ACSM1: variants seen among roughly 807,000 people sequenced by gnomAD.
The protein encoded by ACSM1 is acyl-coenzyme A synthetase ACSM1, mitochondrial.
In ACSM1, 79 loss-of-function variants were observed where a neutral mutation model predicts 75.8. The observed-to-expected ratio is 1.04, with a 90% CI of 0.87 to 1.26. The LOEUF (loss-of-function observed/expected upper bound fraction) is 1.26. Ranked by LOEUF, ACSM1 falls within the 50% of genes most tolerant of loss-of-function variation. The probability of loss-of-function intolerance (pLI) is 0.00; values close to 1 mark genes in which losing one functional copy is unlikely to be tolerated. For missense variants in ACSM1, 676 were observed against 720.1 expected (o/e 0.94, Z 0.70); for synonymous variants, 279 against 265.8 (o/e 1.05, Z -0.48).
intron 7 of ACSM1, among the ~76,000 whole-genome samples, chr16:20,641,816 C>T (rs1200030386): frequency 6.6e-6 from 1 of 152,198 alleles, no homozygotes. Flanking sequence ...GGTGAAGGAA[C>T]TCTAGATCAT....
intron 12 of ACSM1, among the ~76,000 whole-genome samples, chr16:20,624,429 G>A (rs1022890051): frequency 1.3e-5 from 2 of 152,140 alleles, no homozygotes; most frequent in African/African-American, 4.8e-5. Flanking sequence ...TTTCTTTTCT[G>A]TGAAATGGGG....
intron 10 of ACSM1, among the ~76,000 whole-genome samples, chr16:20,628,625 G>A (rs2017140618): frequency 6.6e-6 from 1 of 151,268 alleles, no homozygotes; most frequent in South Asian, 2.1e-4. Flanking sequence ...CCTTTTTGTT[G>A]CTGAACAGTA....
intron 1 of ACSM1, among the ~76,000 whole-genome samples, chr16:20,691,915 C>T (rs977282712): frequency 1.3e-5 from 2 of 151,868 alleles, no homozygotes; most frequent in Admixed American, 6.6e-5. Context: ...CCCCTACAGG[C>T]GAGAATGAAA....
chr16:20,671,708 G>C (rs2019918698), intron 4 of ACSM1, 37 bp from the exon 5 acceptor site: 2 of 1,475,300 alleles, frequency 1.4e-6, no homozygotes, highest in Non-Finnish European at 1.8e-6. Flanking sequence ...AAAAAGTCAT[G>C]ATTGCTGTTT....
Position 20,648,461 on chromosome 16 carries a change from C to G in ACSM1, c.993-7877G>C, listed in dbSNP as rs1380249821. Among the ~76,000 whole-genome samples, 2 of 152,136 alleles carry G rather than the reference C, an allele frequency of 1.3e-5. No homozygotes were observed. Among genetic ancestry groups the G allele is most frequent in the African/African-American group, 4.8e-5 (2 of 41,434 alleles). ...AACAGAATGGACCCCTCCTCTCAGT[C>G]AATTGCATTCCAAAGTTATCCTAAG... is the stretch of plus-strand genomic sequence containing the variant. On this transcript the variant is annotated intron_variant, in intron 7 of 13. Transcript: ENST00000520010. This position sits in a 1 kb window ranked among gnomAD's most constrained non-coding sequence, Gnocchi z 4.2.
At chr16:20,666,590 T>C (rs2019577112) in intron 6 of ACSM1, among the ~76,000 whole-genome samples, 1 of 152,242 alleles carries the variant, frequency 6.6e-6, no homozygotes, top group African/African-American at 2.4e-5. Flanking sequence ...CCTATTAAAA[T>C]ACCAATGTCA....
intron 3 of ACSM1, among the ~76,000 whole-genome samples, chr16:20,683,688 A>G (rs1567308583): frequency 7.6e-6 from 1 of 132,330 alleles, no homozygotes. Flanking sequence ...CGCCTGGCTA[A>G]TTCTTTCTTT....
chr16:20,652,288 T>C (rs1323305460), intron 7 of ACSM1, among the ~76,000 whole-genome samples: 1 of 152,108 alleles, frequency 6.6e-6, no homozygotes, highest in African/African-American at 2.4e-5. Context: ...CTGGGTAATT[T>C]CCAATTTAAG....
In ACSM1 at chr16:20,627,274, A is replaced by G; in HGVS notation, c.1342T>C (p.Tyr448His). The change falls in exon 11 of 14, where the codon TAC becomes CAC. Residue 448 changes from tyrosine to histidine, a missense_variant. Physicochemically the swap from Tyr to His is moderately conservative, Grantham distance 83. Coordinates refer to ENST00000520010, the MANE Select transcript of ACSM1 (RefSeq NM_001318890.3). ...KTAKVECGDF[Y>H]NTGDRGKMDE... ...ATCTTACCTCTGTCCCCAGTGTTGT[A>G]GAAGTCCCCACATTCCACTTTAGCT... 2 of 1,586,630 alleles carry G rather than the reference A, an allele frequency of 1.3e-6. No individual in the cohort carries two copies. Among genetic ancestry groups the G allele is most frequent in the East Asian group, 2.4e-5 (1 of 41,284 alleles).
At chr16:20,671,714 T>C in intron 4 of ACSM1, 43 bp from the exon 5 acceptor site, 2 of 1,462,300 alleles carry the variant, frequency 1.4e-6, no homozygotes, top group Non-Finnish European at 1.8e-6. Context: ...TCATGATTGC[T>C]GTTTCTTCAT....
At chr16:20,637,143 T>C in intron 9 of ACSM1, 1 of 760,744 alleles carries the variant, frequency 1.3e-6, no homozygotes, top group Non-Finnish European at 2.4e-6. Flanking sequence ...TAGGTATTCT[T>C]TCCTACCTAC....
In ACSM1 at chr16:20,685,359, G is replaced by A; in HGVS notation, c.237C>T (p.Gly79=). Residue 79 remains glycine (G), a synonymous_variant, in exon 3 of 14, where the codon GGC becomes GGT. Transcript: ENST00000520010. ...GPNPAFWWVN[G]QGDEVKWSFR... is the part of the protein sequence containing the mutation. ...AGCTCCACTTTACTTCATCCCCTTG[G>A]CCATTCACCCACCAAAAAGCTGGAT... 1 of 1,614,096 alleles carries A rather than the reference G, an allele frequency of 6.2e-7. No homozygotes were observed.
intron 6 of ACSM1, among the ~76,000 whole-genome samples, chr16:20,668,167 A>T (rs970423050): frequency 6.6e-6 from 1 of 152,186 alleles, no homozygotes; most frequent in Non-Finnish European, 1.5e-5. Flanking sequence ...TCAAAAATTT[A>T]AAAGACTTTT....
At chr16:20,670,220 C>T (rs1359323459) in intron 5 of ACSM1, among the ~76,000 whole-genome samples, 4 of 152,160 alleles carry the variant, frequency 2.6e-5, no homozygotes, top group Non-Finnish European at 4.4e-5. Context: ...GATTCTCCTC[C>T]AGTGTTCTCT....
intron 8 of ACSM1, among the ~76,000 whole-genome samples, chr16:20,638,425 T>C (rs1194572252): frequency 6.6e-6 from 1 of 152,222 alleles, no homozygotes; most frequent in East Asian, 1.9e-4. Flanking sequence ...TTTTTGTTTG[T>C]CTGTTTCCTT....
rs1297139246 is a variant in ACSM1, at chr16:20,641,755, C to T, written c.993-1171G>A. 2.0e-5 allele frequency among the ~76,000 whole-genome samples: 3 copies of T among 152,210 alleles called. No individual in the cohort carries two copies. In the East Asian group the frequency reaches 5.8e-4, roughly 29 times the overall value. On this transcript the variant is annotated intron_variant, in intron 7 of 13. Coordinates refer to ENST00000520010, the MANE Select transcript of ACSM1 (RefSeq NM_001318890.3). The stretch of plus-strand genomic sequence containing the variant: ...ATTGCCCCCACAACCTGGTGTTGGG[C>T]CTGATCAGCCCAACATTCCTGGGTG...
chr16:20,690,117 G>A (rs911750028), intron 2 of ACSM1, among the ~76,000 whole-genome samples: 3 of 152,166 alleles, frequency 2.0e-5, no homozygotes, highest in Non-Finnish European at 4.4e-5. Flanking sequence ...AAGGTGGTGG[G>A]GAGGAAGATG....
intron 1 of ACSM1, among the ~76,000 whole-genome samples, chr16:20,694,159 CT>C (rs2079677573): frequency 6.6e-6 from 1 of 152,216 alleles, no homozygotes; most frequent in South Asian, 2.1e-4. Context: ...TCTCCTCTAC[CT>C]TTGCCTCTTT....
chr16:20,637,258 AGGAGG>A, intron 9 of ACSM1, 108 bp downstream of exon 9: 1 of 882,320 alleles, frequency 1.1e-6, no homozygotes, highest in Non-Finnish European at 1.9e-6. Context: ...ATGAGAAGAG[AGGAGG>A]AAGGATGACT....
Sources: allele counts gnomAD v4.1 joint callset (sites outside exome capture counted in the v4.1 genomes callset), GRCh38; gene constraint gnomAD v4.1.1; non-coding constraint Gnocchi (gnomAD v3.1); transcripts MANE v1.5; gene names NCBI Gene and HGNC (gene_info 2026-07-23, HGNC 2026-07-21).